Variants in RGS6 observed in about 807,000 individuals in gnomAD.
RGS6 encodes regulator of G-protein signaling 6.
RGS6 carries 30 observed loss-of-function variants against 78.5 expected under a neutral mutation model. The observed-to-expected ratio is 0.38, with a 90% CI of 0.29 to 0.52. The LOEUF (loss-of-function observed/expected upper bound fraction) is 0.52. Among genes scored for constraint, RGS6 ranks in the 20% least tolerant of loss-of-function variants. The pLI, the probability that RGS6 is intolerant of heterozygous loss-of-function variation, is 0.85. For missense variants in RGS6, 495 were observed against 609.7 expected (o/e 0.81, Z 1.98); for synonymous variants, 206 against 206.0 (o/e 1.00, Z 0.00).
At chr14:72,585,408 C>T in the RGS6 span, among the ~76,000 whole-genome samples, 1 of 152,140 alleles carries the variant, frequency 6.6e-6, no homozygotes, top group African/African-American at 2.4e-5. Flanking sequence ...AGAAAGAGCT[C>T]TTCACATCCC....
At chr14:72,173,925 A>G (rs1018930519) in intron 2 of RGS6, among the ~76,000 whole-genome samples, 6 of 152,154 alleles carry the variant, frequency 3.9e-5, no homozygotes, top group South Asian at 2.1e-4. Context: ...TGTAAAGAGG[A>G]TAATACACTC....
chr14:72,063,137 G>A lies in RGS6; in HGVS notation c.84+98262G>A, dbSNP rs182647624. 3.8e-3 allele frequency among the ~76,000 whole-genome samples: 575 copies of A among 152,264 alleles called. 1 individual carries two copies. Among genetic ancestry groups the A allele is most frequent in the African/African-American group, 0.014 (562 of 41,548 alleles). ...CACGCCTGGCCTGGATGAAATTCTT[G>A]AGGAAAGGAGGGTACCGAGAGGAGA... On this transcript the variant is annotated intron_variant, in intron 2 of 17. Coordinates refer to ENST00000553525, the MANE Select transcript of RGS6 (RefSeq NM_001204424.2).
At chr14:72,623,633 GA>G in the RGS6 span, among the ~76,000 whole-genome samples, 1 of 152,210 alleles carries the variant, frequency 6.6e-6, no homozygotes, top group Non-Finnish European at 1.5e-5. Context: ...AAAGAAAATA[GA>G]AATGTAGGCC....
chr14:72,331,828 C>T (rs2075114519), intron 2 of RGS6, among the ~76,000 whole-genome samples: 2 of 152,178 alleles, frequency 1.3e-5, no homozygotes, highest in Admixed American at 1.3e-4. Flanking sequence ...TTGTTTTTCT[C>T]CGTGGACTAT....
the RGS6 span, among the ~76,000 whole-genome samples, chr14:72,611,918 G>T: frequency 6.6e-6 from 1 of 152,100 alleles, no homozygotes; most frequent in East Asian, 1.9e-4. Flanking sequence ...CGCGATACTT[G>T]ACCTACAATC....
chr14:71,895,223 A>G, the RGS6 span, among the ~76,000 whole-genome samples: 1 of 152,162 alleles, frequency 6.6e-6, no homozygotes, highest in African/African-American at 2.4e-5. Context: ...TCACTCTGTC[A>G]CCCAAACAGG....
At chr14:72,562,298 G>A in intron 17 of RGS6, 119 bp from the exon 18 acceptor site, 3 of 932,244 alleles carry the variant, frequency 3.2e-6, no homozygotes, top group Non-Finnish European at 5.1e-6. Context: ...GGTCAGTTGG[G>A]TTGGTTGGTC....
intron 2 of RGS6, among the ~76,000 whole-genome samples, chr14:72,038,023 T>A (rs1317625101): frequency 6.7e-6 from 1 of 149,954 alleles, no homozygotes; most frequent in Non-Finnish European, 1.5e-5. Flanking sequence ...CAGGCTGGAG[T>A]GCAATGGTGC....
At chr14:72,153,773 A>G (rs1321812581) in intron 2 of RGS6, among the ~76,000 whole-genome samples, 1 of 152,186 alleles carries the variant, frequency 6.6e-6, no homozygotes, top group Non-Finnish European at 1.5e-5. Flanking sequence ...AAAAGGTAGA[A>G]CAAAGATCAT....
intron 1 of RGS6, among the ~76,000 whole-genome samples, chr14:71,948,738 CTCTT>C (rs1259266592): frequency 0.011 from 831 of 75,092 alleles, 19 homozygotes; most frequent in African/African-American, 0.051. Flanking sequence ...CTCTCTCTCT[CTCTT>C]TTTTTTTTTT....
At chr14:72,283,899 T>C (rs1282830742) in intron 2 of RGS6, among the ~76,000 whole-genome samples, 1 of 152,138 alleles carries the variant, frequency 6.6e-6, no homozygotes, top group Non-Finnish European at 1.5e-5. Flanking sequence ...ATGCTGATAG[T>C]GATATGAAAA....
chr14:72,075,148 T>A (rs1220863895), intron 2 of RGS6, among the ~76,000 whole-genome samples: 2 of 152,240 alleles, frequency 1.3e-5, no homozygotes, highest in African/African-American at 4.8e-5. Flanking sequence ...AGTTTCTGAT[T>A]ATTTTTCTCA....
At chr14:72,449,145 CT>C (rs993270438) in intron 3 of RGS6, among the ~76,000 whole-genome samples, 1 of 152,170 alleles carries the variant, frequency 6.6e-6, no homozygotes, top group African/African-American at 2.4e-5. Context: ...AAGTCATAAC[CT>C]TGACTGAAGA....
chr14:72,568,850 A>G (rs1182035787), downstream of RGS6, among the ~76,000 whole-genome samples: 2 of 152,250 alleles, frequency 1.3e-5, no homozygotes, highest in Non-Finnish European at 2.9e-5. Context: ...CTGGCGTCCA[A>G]GGGAACACGT....
the RGS6 span, among the ~76,000 whole-genome samples, chr14:71,892,401 C>T: frequency 6.6e-6 from 1 of 152,202 alleles, no homozygotes; most frequent in Non-Finnish European, 1.5e-5. Context: ...CCTACAAACA[C>T]CTTAGGTTTT....
chr14:72,238,892 C>G (rs773738802), intron 2 of RGS6, among the ~76,000 whole-genome samples: 44 of 152,156 alleles, frequency 2.9e-4, no homozygotes, highest in Non-Finnish European at 6.3e-4. Context: ...GTCCCCCATC[C>G]GTGGTTTAGG....
intron 2 of RGS6, among the ~76,000 whole-genome samples, chr14:72,120,963 A>G (rs1288375840): frequency 6.6e-6 from 1 of 152,198 alleles, no homozygotes; most frequent in African/African-American, 2.4e-5. Flanking sequence ...TTAATGAATA[A>G]AAGTTGAGTT....
upstream of RGS6, among the ~76,000 whole-genome samples, chr14:71,930,448 ATATTT>A (rs2087789780): frequency 6.6e-6 from 1 of 152,238 alleles, no homozygotes; most frequent in African/African-American, 2.4e-5. Context: ...ATGAAATCAG[ATATTT>A]TATGTATAAG....
intron 17 of RGS6, among the ~76,000 whole-genome samples, chr14:72,559,739 C>T (rs887695581): frequency 2.6e-5 from 4 of 152,140 alleles, no homozygotes; most frequent in Admixed American, 2.0e-4. Flanking sequence ...AAGCGAGGAG[C>T]GGGCAGTGAC....
Sources: gnomAD v4.1 joint callset for allele counts (sites outside exome capture counted in the v4.1 genomes callset) on GRCh38, gnomAD v4.1.1 for gene constraint, MANE v1.5 for transcripts, NCBI Gene and HGNC (gene_info 2026-07-23, HGNC 2026-07-21) for gene names.